Variants in HDHD2 observed in about 807,000 individuals in gnomAD.
HDHD2 encodes haloacid dehalogenase-like hydrolase domain-containing protein 2.
In HDHD2, 26 loss-of-function variants were observed where a neutral mutation model predicts 24.8. The ratio of observed to expected loss-of-function variants is 1.05; its 90% CI spans 0.77 to 1.45. The LOEUF is 1.45. Ranked by LOEUF, HDHD2 falls within the 40% of genes most tolerant of loss-of-function variation. The pLI, the probability that HDHD2 is intolerant of heterozygous loss-of-function variation, is 0.00. For missense variants in HDHD2, 299 were observed against 313.4 expected, an observed-to-expected ratio of 0.95 and a Z score of 0.35; for synonymous variants, 128 against 114.9, an observed-to-expected ratio of 1.11 and a Z score of -0.73.
At chr18:47,120,640 C>T (rs969436713) in intron 4 of HDHD2, among the ~76,000 whole-genome samples, 5 of 152,168 alleles carry the variant, frequency 3.3e-5, no homozygotes, top group Non-Finnish European at 5.9e-5. Context: ...CTATTTGGCA[C>T]GAGAGACCTA....
chr18:47,110,526 T>G, intron 6 of HDHD2: 2 of 985,308 alleles, frequency 2.0e-6, no homozygotes, highest in Non-Finnish European at 1.2e-6. Flanking sequence ...TAAATAAGCT[T>G]CCTAGCCATG....
At chr18:47,119,724 C>T (rs1174096837) in intron 4 of HDHD2, among the ~76,000 whole-genome samples, 1 of 152,162 alleles carries the variant, frequency 6.6e-6, no homozygotes, top group Admixed American at 6.5e-5. Flanking sequence ...ATGTTGAATC[C>T]TTTCCAGAAG....
chr18:47,122,991 G>A (rs1300994262), intron 4 of HDHD2, among the ~76,000 whole-genome samples: 1 of 152,148 alleles, frequency 6.6e-6, no homozygotes, highest in Non-Finnish European at 1.5e-5. Flanking sequence ...TTCTACCCCT[G>A]AATTTAGAAG....
chr18:47,108,004 T>C lies in HDHD2; in HGVS notation c.*678A>G, dbSNP rs758413988. 6.5e-6 allele frequency: 1 copy of C among 152,688 alleles called. No individual in the cohort carries two copies. The highest frequency in any genetic ancestry group is 1.5e-5 in the Non-Finnish European group (1 of 68,052). 9.5% of individuals were successfully genotyped at this position (152,688 alleles called of 1,614,324 possible). A position where few individuals can be genotyped will look rare whatever the true frequency, so the allele number is the denominator to read the frequency against. On this transcript the variant is annotated 3_prime_UTR_variant, in exon 7 of 7. Transcript: ENST00000300605. The stretch of plus-strand genomic sequence containing the variant: ...ACTGTTACACAGTATAATAGGTATC[T>C]GCAATGAATAGGTTATTAATGGAAA...
rs554036440 is a variant in HDHD2 at position 47,123,418 on chromosome 18, T to C, written c.395+6826A>G. On this transcript the variant is annotated intron_variant, in intron 4 of 6. Transcript: ENST00000300605. ...GCCTGACCAACATGGCAAAACCCCA[T>C]CTCTACTAAAAATACAAGAATTAGC... is the stretch of plus-strand genomic sequence containing the variant. Among the ~76,000 whole-genome samples the C allele has an allele frequency of 7.0e-4, 107 of 152,096 alleles. 1 individual carries two copies. The highest frequency in any genetic ancestry group is 2.5e-3 in the African/African-American group (103 of 41,494).
chr18:47,119,960 T>C (rs918938349), intron 4 of HDHD2, among the ~76,000 whole-genome samples: 3 of 152,208 alleles, frequency 2.0e-5, no homozygotes, highest in African/African-American at 4.8e-5. Context: ...CCATGAGCAG[T>C]AATATTCTGA....
At chr18:47,111,468 T>TA (rs140752464) in intron 6 of HDHD2, 18,563 of 982,500 alleles carry the variant, frequency 0.019, 211 homozygotes, top group Non-Finnish European at 0.021. Context: ...AATGAGAAAA[T>TA]AAAACAGCAA....
At chr18:47,131,984 T>C (rs2063717721) in intron 3 of HDHD2, among the ~76,000 whole-genome samples, 1 of 152,200 alleles carries the variant, frequency 6.6e-6, no homozygotes, top group African/African-American at 2.4e-5. Context: ...TTTCATTGTA[T>C]ACAATATTCA....
intron 1 of HDHD2, among the ~76,000 whole-genome samples, chr18:47,149,385 C>G (rs759953457): frequency 3.9e-5 from 6 of 152,132 alleles, no homozygotes; most frequent in Non-Finnish European, 7.3e-5. Flanking sequence ...TGGTTCCAGA[C>G]TTTTCTGGAA....
chr18:47,117,198 GC>G (rs1174384335), intron 4 of HDHD2, among the ~76,000 whole-genome samples: 1 of 152,094 alleles, frequency 6.6e-6, no homozygotes, highest in Non-Finnish European at 1.5e-5. Context: ...AAATATCAGA[GC>G]CACCCCAATA....
At position 47,108,045 on chromosome 18, in the gene HDHD2, A is replaced by T. The variant is rs1455694274; in HGVS notation, c.*637T>A. On this transcript the variant is annotated 3_prime_UTR_variant, in exon 7 of 7. Transcript: ENST00000300605. ...TTAATGGAAATATTAATTTAAATTA[A>T]AATCTGGTTCTAAATTTAAATTAGT... 1 of 152,676 alleles carries T rather than the reference A, an allele frequency of 6.5e-6. No homozygotes were observed. Among genetic ancestry groups the T allele is most frequent in the Non-Finnish European group, 1.5e-5 (1 of 68,048 alleles). 9.5% of individuals were successfully genotyped at this position (152,676 alleles called of 1,614,324 possible). A position where few individuals can be genotyped will look rare whatever the true frequency, so the allele number is the denominator to read the frequency against.
At position 47,108,716 on chromosome 18, in the gene HDHD2, T is replaced by C. The variant is rs759062213; in HGVS notation, c.746A>G (p.His249Arg). Residue 249 changes from histidine (H) to arginine (R), a missense_variant, in exon 7 of 7, where the codon CAT becomes CGT. Transcript: ENST00000300605. Reference sequence around the variant, plus strand: ...GTGCTGCAGAATGTGGTCCACAGCATGAGGGAAACTCTCACAAGTTAAGTA... The same window carrying C: ...GTGCTGCAGAATGTGGTCCACAGCACGAGGGAAACTCTCACAAGTTAAGTA... ...PPYLTCESFP[H>R]AVDHILQHLL 7 of 1,608,994 alleles carry C rather than the reference T, an allele frequency of 4.4e-6. No homozygotes were observed. In the South Asian group the frequency reaches 7.7e-5, roughly 18 times the overall value.
In HDHD2 at chr18:47,109,113, T is replaced by G. The variant is rs140064416; in HGVS notation, c.677-328A>C. ...CCCTACCCTCAGCTCTAAAGATAGA[T>G]TGGTGATTAAATTAATGCTTTAAAA... On this transcript the variant is annotated intron_variant, in intron 6 of 6. Coordinates refer to ENST00000300605, the MANE Select transcript of HDHD2 (RefSeq NM_032124.5). The G allele has an allele frequency of 1.2e-5, 3 of 240,610 alleles. No homozygotes were observed. The Admixed American group carries it at 1.7e-4, about 14-fold the overall frequency. The allele number at this position is 240,610 out of a possible 1,614,324, so 14.9% of individuals were successfully genotyped here. A position where few individuals can be genotyped will look rare whatever the true frequency, so the allele number is the denominator to read the frequency against.
chr18:47,127,981 G>C (rs1229689844), intron 4 of HDHD2, among the ~76,000 whole-genome samples: 1 of 152,108 alleles, frequency 6.6e-6, no homozygotes, highest in African/African-American at 2.4e-5. Flanking sequence ...TAAGATGTCT[G>C]TATTTGCCAC....
At chr18:47,116,778 C>T (rs536452074) in intron 4 of HDHD2, among the ~76,000 whole-genome samples, 1 of 152,270 alleles carries the variant, frequency 6.6e-6, no homozygotes, top group East Asian at 1.9e-4. Context: ...TACCACGGAA[C>T]TAGAATTCTT....
At chr18:47,132,984 C>T (rs887182800) in intron 3 of HDHD2, among the ~76,000 whole-genome samples, 1 of 152,056 alleles carries the variant, frequency 6.6e-6, no homozygotes, top group Non-Finnish European at 1.5e-5. Flanking sequence ...TAATTTTGAC[C>T]TGTGTTCGTT....
intron 6 of HDHD2, chr18:47,111,292 G>A (rs1599919828): frequency 1.0e-6 from 1 of 984,830 alleles, no homozygotes; most frequent in South Asian, 4.7e-5. Context: ...GAGACCAGCT[G>A]GGGGAGCTGG....
chr18:47,110,558 T>C, intron 6 of HDHD2: 1 of 985,482 alleles, frequency 1.0e-6, no homozygotes, highest in Non-Finnish European at 1.2e-6. Context: ...TTTTGCTTAG[T>C]CTGGCTCTGC....
intron 4 of HDHD2, among the ~76,000 whole-genome samples, chr18:47,115,645 G>C (rs2063552951): frequency 6.6e-6 from 1 of 152,110 alleles, no homozygotes; most frequent in African/African-American, 2.4e-5. Flanking sequence ...GAGAACTAAA[G>C]CTAAATAAGA....
Sources: gnomAD v4.1 joint callset for allele counts (sites outside exome capture counted in the v4.1 genomes callset) on GRCh38, gnomAD v4.1.1 for gene constraint, MANE v1.5 for transcripts, NCBI Gene and HGNC (gene_info 2026-07-23, HGNC 2026-07-21) for gene names.